The following SSH2 variants were observed in gnomAD, a reference collection of about 807,000 sequenced individuals.
SSH2 encodes the protein slingshot protein phosphatase 2, also known as protein phosphatase Slingshot homolog 2.
A neutral mutation model predicts 135.2 loss-of-function variants in SSH2; 37 were observed. The ratio of observed to expected loss-of-function variants is 0.27; its 90% CI spans 0.21 to 0.36. The LOEUF (loss-of-function observed/expected upper bound fraction) is 0.36. Among genes scored for constraint, SSH2 ranks in the 10% least tolerant of loss-of-function variants. SSH2 has a pLI of 1.00. For missense variants in SSH2, 1,408 were observed against 1,765.3 expected, an observed-to-expected ratio of 0.80 and a Z score of 3.63; for synonymous variants, 628 against 646.2, an observed-to-expected ratio of 0.97 and a Z score of 0.43.
At chr17:29,768,498 C>A (rs972080870) in intron 3 of SSH2, among the ~76,000 whole-genome samples, 5 of 152,088 alleles carry the variant, frequency 3.3e-5, no homozygotes, top group African/African-American at 9.7e-5. Context: ...TTTCAAACTT[C>A]TGGGCTCAAG....
chr17:29,813,749 T>C (rs1357790656), intron 2 of SSH2, among the ~76,000 whole-genome samples: 6 of 140,334 alleles, frequency 4.3e-5, no homozygotes, highest in African/African-American at 1.1e-4. Flanking sequence ...ACCCGGGAGG[T>C]GGAGGTTGCA....
chr17:29,814,496 C>G (rs1430579232), intron 2 of SSH2, among the ~76,000 whole-genome samples: 1 of 148,914 alleles, frequency 6.7e-6, no homozygotes, highest in East Asian at 2.0e-4. Flanking sequence ...GCAATACTGT[C>G]GAAGGATCAG....
At chr17:29,782,986 G>A (rs1031900568) in intron 3 of SSH2, among the ~76,000 whole-genome samples, 3 of 152,164 alleles carry the variant, frequency 2.0e-5, no homozygotes, top group South Asian at 2.1e-4. Context: ...CTTCCAAAGC[G>A]CTGTGATTAC....
chr17:29,786,061 C>T (rs540225228), intron 3 of SSH2, among the ~76,000 whole-genome samples: 18 of 152,320 alleles, frequency 1.2e-4, no homozygotes, highest in Admixed American at 5.9e-4. Context: ...GCCTCGGCCT[C>T]CCAAAGTGCT....
intron 3 of SSH2, among the ~76,000 whole-genome samples, chr17:29,750,676 C>G (rs540584522): frequency 4.0e-5 from 6 of 151,268 alleles, no homozygotes; most frequent in Non-Finnish European, 8.8e-5. Context: ...GCACAAGCTA[C>G]TGTGCATGGC....
At chr17:29,659,259 A>G (rs114895496) in intron 11 of SSH2, among the ~76,000 whole-genome samples, 1,705 of 152,244 alleles carry the variant, frequency 0.011, 32 homozygotes, top group African/African-American at 0.037. Context: ...GGCAGGATAC[A>G]CTTTTGTTAA....
At chr17:29,698,836 T>C (rs1433274349) in intron 4 of SSH2, among the ~76,000 whole-genome samples, 1 of 152,064 alleles carries the variant, frequency 6.6e-6, no homozygotes, top group Non-Finnish European at 1.5e-5. Flanking sequence ...GTCCTACCAG[T>C]AGAAATAACC....
In SSH2 at chr17:29,672,082, T is replaced by C. The variant is rs1598765180; in HGVS notation, c.662A>G (p.His221Arg). The change falls in exon 9 of 16, where the codon CAT (histidine) becomes CGT (arginine). Residue 221 changes from histidine to arginine, a missense_variant. Coordinates refer to ENST00000540801, the MANE Select transcript of SSH2 (RefSeq NM_001282129.2). ...AAATAGGCTGCCTGGGTAGTAGTTA[T>C]GCGCTCTGGCGACTTCACAAGCCTT... ...LHKACEVARAHNYYPGSLFLT... is the reference protein window; with the variant it reads ...LHKACEVARARNYYPGSLFLT... 1 of 1,614,204 alleles carries C rather than the reference T, an allele frequency of 6.2e-7. No individual in the cohort carries two copies. The highest frequency in any genetic ancestry group is 8.5e-7 in the Non-Finnish European group (1 of 1,180,028).
In SSH2 at chr17:29,632,009, T is replaced by C; in HGVS notation, c.3185A>G (p.Lys1062Arg). Reference sequence around the variant, plus strand: ...TTTCCTCAGCCCTTGCTCTCCGCTCTTCTCACTGGTGGCTATTTCACTCCC... The same window carrying C: ...TTTCCTCAGCCCTTGCTCTCCGCTCCTCTCACTGGTGGCTATTTCACTCCC... ...GPGSEIATSE[K>R]SGEQGLRKVN... Residue 1062 changes from lysine (K) to arginine (R), a missense_variant, in exon 16 of 16, where the codon AAG becomes AGG. Transcript: ENST00000540801. The C allele has an allele frequency of 6.2e-7, 1 of 1,614,268 alleles. No individual in the cohort carries two copies. Among genetic ancestry groups the C allele is most frequent in the Non-Finnish European group, 8.5e-7 (1 of 1,180,046 alleles).
rs2035749240 is a variant in SSH2 at position 29,632,930 on chromosome 17, G to A, written c.2264C>T (p.Ala755Val). ...ESSMDEEQSK[A>V]ISELVSPDIF... is the part of the protein sequence containing the mutation. ...GTCTGGGCTGACCAGTTCTGAAATTGCCTAAGAAGAGAAAGTAGTGAGAAG... is the reference window on the plus strand; with the variant it reads ...GTCTGGGCTGACCAGTTCTGAAATTACCTAAGAAGAGAAAGTAGTGAGAAG... The change falls in exon 16 of 16, where the codon GCA becomes GTA. Residue 755 changes from alanine to valine, a missense_variant and splice_region_variant. Physicochemically the swap from Ala to Val is moderately conservative, Grantham distance 64. Around this residue, in one of 3 missense-constraint regions of SSH2, gnomAD observed 1,080 missense variants for 1,144.5 expected, o/e 0.94. Transcript: ENST00000540801. The A allele has an allele frequency of 6.3e-6, 10 of 1,592,150 alleles. No homozygotes were observed. The highest frequency in any genetic ancestry group is 7.7e-6 in the Non-Finnish European group (9 of 1,169,190).
At chr17:29,827,941 T>C (rs1297893787) in intron 2 of SSH2, among the ~76,000 whole-genome samples, 1 of 152,198 alleles carries the variant, frequency 6.6e-6, no homozygotes, top group African/African-American at 2.4e-5. Context: ...CTTACCTTCC[T>C]GCCATAGCTG....
rs148396185 is a variant in SSH2, at chr17:29,831,427, A to G, written c.144+17422T>C. On this transcript the variant is annotated intron_variant, in intron 2 of 15. Transcript: ENST00000540801. ...TATATTTTCATCTTTAAGATTACAA[A>G]TAAGAGACGCTAATCTAGATGTAAG... is the stretch of plus-strand genomic sequence containing the variant. Among the ~76,000 whole-genome samples, 8 of 152,332 alleles carry G rather than the reference A, an allele frequency of 5.3e-5. No individual in the cohort carries two copies. The East Asian group carries it at 1.4e-3, about 26-fold the overall frequency.
At chr17:29,735,839 G>A (rs1298249707) in intron 3 of SSH2, among the ~76,000 whole-genome samples, 1 of 151,922 alleles carries the variant, frequency 6.6e-6, no homozygotes, top group Non-Finnish European at 1.5e-5. Context: ...TTTCTAGCTT[G>A]TAATCCCAGC....
chr17:29,686,528 AT>A lies in SSH2; in HGVS notation c.358-1845del, dbSNP rs754504171. Reference sequence around the variant, plus strand: ...AGGCACATGCTGCCACGCCCGGCTAATTTTTTTTTTTTTTGTATTTTAGTAC... The same window carrying A: ...AGGCACATGCTGCCACGCCCGGCTAATTTTTTTTTTTTTGTATTTTAGTAC... On this transcript the variant is annotated intron_variant, in intron 5 of 15. Coordinates refer to ENST00000540801, the MANE Select transcript of SSH2 (RefSeq NM_001282129.2). 3.0e-3 allele frequency among the ~76,000 whole-genome samples: 426 copies of A among 140,506 alleles called. 1 individual carries two copies. Among genetic ancestry groups the A allele is most frequent in the South Asian group, 4.3e-3 (19 of 4,404 alleles). The allele number at this position is 140,506 out of a possible 152,430, so 92.2% of individuals were successfully genotyped here. A position where few individuals can be genotyped will look rare whatever the true frequency, so the allele number is the denominator to read the frequency against.
At chr17:29,679,535 T>C (rs996181591) in intron 6 of SSH2, among the ~76,000 whole-genome samples, 1 of 152,032 alleles carries the variant, frequency 6.6e-6, no homozygotes, top group Non-Finnish European at 1.5e-5. Context: ...GCCTCCTGAG[T>C]AGCTGGGATT....
At chr17:29,686,522 C>T (rs1484082521) in intron 5 of SSH2, among the ~76,000 whole-genome samples, 4 of 149,940 alleles carry the variant, frequency 2.7e-5, no homozygotes, top group Non-Finnish European at 5.9e-5. Context: ...CTGCCACGCC[C>T]GGCTAATTTT....
At chr17:29,834,510 T>G (rs1397571173) in intron 2 of SSH2, among the ~76,000 whole-genome samples, 2 of 152,132 alleles carry the variant, frequency 1.3e-5, no homozygotes, top group African/African-American at 4.8e-5. Context: ...AATAGCTCTT[T>G]GTCATGTGTT....
At chr17:29,851,709 T>A (rs1056426968) in intron 1 of SSH2, among the ~76,000 whole-genome samples, 4 of 151,246 alleles carry the variant, frequency 2.6e-5, no homozygotes, top group Admixed American at 1.3e-4. Flanking sequence ...AAAAAAAAAA[T>A]AATAATAATC....
chr17:29,892,496 C>T (rs1318462618), intron 1 of SSH2, among the ~76,000 whole-genome samples: 1 of 152,216 alleles, frequency 6.6e-6, no homozygotes, highest in African/African-American at 2.4e-5. Flanking sequence ...GGAATGTCAA[C>T]AGCCACCACT....
Sources: gnomAD v4.1 joint callset for allele counts (sites outside exome capture counted in the v4.1 genomes callset) on GRCh38, gnomAD v4.1.1 for gene constraint, gnomAD v4.1.1 regional missense constraint, MANE v1.5 for transcripts, NCBI Gene and HGNC (gene_info 2026-07-23, HGNC 2026-07-21) for gene names.